Variants in PTGER1 observed in about 807,000 individuals in gnomAD.
The protein encoded by PTGER1 is prostaglandin E receptor 1.
A neutral mutation model predicts 18.5 loss-of-function variants in PTGER1; 15 were observed. The ratio of observed to expected loss-of-function variants is 0.81; its 90% CI spans 0.54 to 1.25. The LOEUF (loss-of-function observed/expected upper bound fraction) is 1.25, where lower values mean the gene tolerates loss of function less well. PTGER1 is among the 50% of genes most tolerant of loss of function. The pLI is 0.00. For missense variants in PTGER1, 567 were observed against 603.4 expected (o/e 0.94, Z 0.63); for synonymous variants, 339 against 308.4 (o/e 1.10, Z -1.04).
Position 14,473,449 on chromosome 19 carries a change from T to C in PTGER1, c.872A>G (p.His291Arg), listed in dbSNP as rs200420809. Residue 291 changes from histidine (H) to arginine (R), a missense_variant, in exon 2 of 3, where the codon CAC (histidine) becomes CGC (arginine). Coordinates refer to ENST00000292513, the MANE Select transcript of PTGER1 (RefSeq NM_000955.3). The surrounding 1 kb of genome is among the most constrained non-coding windows in gnomAD (Gnocchi z 7.1). ...SSGSARRARAHDVEMVGQLVG... is the reference protein window; with the variant it reads ...SSGSARRARARDVEMVGQLVG... ...AAGCTGGCCCACCATCTCCACGTCG[T>C]GGGCGCGAGCTCTGCGTGCCGAGCC... is the stretch of plus-strand genomic sequence containing the variant. 5.6e-5 allele frequency: 89 copies of C among 1,593,452 alleles called. No homozygotes were observed. Among genetic ancestry groups the C allele is most frequent in the Non-Finnish European group, 7.4e-5 (87 of 1,173,298 alleles).
chr19:14,473,741 G>A lies in PTGER1; in HGVS notation c.580C>T (p.Pro194Ser), dbSNP rs1247500694. Residue 194 changes from proline (P) to serine (S), a missense_variant, in exon 2 of 3, where the codon CCC becomes TCC. Physicochemically the swap from Pro to Ser is moderately conservative, Grantham distance 74 (BLOSUM62 -1). Coordinates refer to ENST00000292513, the MANE Select transcript of PTGER1 (RefSeq NM_000955.3). The surrounding 1 kb of genome is among the most constrained non-coding windows in gnomAD (Gnocchi z 7.1). ...PGTWCFIGLG[P>S]PGGWRQALLA... ...AGTGCCTGGCGCCAGCCGCCCGGGG[G>A]ACCCAGGCCGATGAAGCACCACGTG... The A allele has an allele frequency of 3.8e-5, 55 of 1,457,880 alleles. No homozygotes were observed. Among genetic ancestry groups the A allele is most frequent in the Non-Finnish European group, 4.1e-5 (46 of 1,110,472 alleles). The allele number at this position is 1,457,880 out of a possible 1,614,324, so 90.3% of individuals were successfully genotyped here. A position where few individuals can be genotyped will look rare whatever the true frequency, so the allele number is the denominator to read the frequency against.
Position 14,474,168 on chromosome 19 carries a change from C to A in PTGER1, c.153G>T (p.Leu51=). The A allele has an allele frequency of 6.7e-7, 1 of 1,484,508 alleles. No homozygotes were observed. The highest frequency in any genetic ancestry group is 1.5e-5 in the African/African-American group (1 of 67,892). The allele number at this position is 1,484,508 out of a possible 1,614,324, so 92.0% of individuals were successfully genotyped here. Residue 51 remains leucine, a synonymous_variant, in exon 2 of 3, where the codon CTG becomes CTT. Coordinates refer to ENST00000292513, the MANE Select transcript of PTGER1 (RefSeq NM_000955.3). The surrounding 1 kb of genome is among the most constrained non-coding windows in gnomAD (Gnocchi z 5.4). ...CCTGCGCCAGCAGCGCCAGCGCCAGCAGGTTGGACACGGCGCCCAGCGTCA... is the reference window on the plus strand; with the variant it reads ...CCTGCGCCAGCAGCGCCAGCGCCAGAAGGTTGGACACGGCGCCCAGCGTCA... The part of the protein sequence containing the change: ...FSMTLGAVSN[L]LALALLAQAA...
Position 14,474,476 on chromosome 19 carries a change from G to C in PTGER1, c.-17-139C>G, listed in dbSNP as rs116070352. 1.4e-3 allele frequency: 1,313 copies of C among 945,710 alleles called. 12 individuals are homozygous for C. The African/African-American group carries it at 0.021, about 15-fold the overall frequency. The allele number at this position is 945,710 out of a possible 1,614,324, so 58.6% of individuals were successfully genotyped here. On this transcript the variant is annotated intron_variant, in intron 1 of 2. Coordinates refer to ENST00000292513, the MANE Select transcript of PTGER1 (RefSeq NM_000955.3). The surrounding 1 kb of genome is among the most constrained non-coding windows in gnomAD (Gnocchi z 5.4). ...CCCCTCTGCCCATGGCAGTTGCCAT[G>C]GGCAACTCCAAATGACCTGGCCACT...
At position 14,472,809 on chromosome 19, in the gene PTGER1, G is replaced by A; in HGVS notation, c.960C>T (p.Ala320=). ...GGGAGGTAGAGCTCCAGCCGCCGAC[G>A]GCCAGCGCCACCAACACCTGCGGGG... The part of the protein sequence containing the change: ...WSPMLVLVAL[A]VGGWSSTSLQ... The change falls in exon 3 of 3, where the codon GCC becomes GCT. Residue 320 remains alanine, a synonymous_variant. Transcript: ENST00000292513. 3 of 1,555,536 alleles carry A rather than the reference G, an allele frequency of 1.9e-6. No individual in the cohort carries two copies. The highest frequency in any genetic ancestry group is 1.4e-5 in the African/African-American group (1 of 73,516).
rs549647569 is a variant in PTGER1 at position 14,474,970 on chromosome 19, G to A, written c.-18+292C>T. 2.0e-5 allele frequency among the ~76,000 whole-genome samples: 3 copies of A among 152,144 alleles called. No individual in the cohort carries two copies. Among genetic ancestry groups the A allele is most frequent in the African/African-American group, 4.8e-5 (2 of 41,516 alleles). ...GCGGTCTCTCGCCAGGCCCTACCCC[G>A]ATCACCTCTGCCTCACCCTGGGTGC... On this transcript the variant is annotated intron_variant, in intron 1 of 2. Transcript: ENST00000292513. This position sits in a 1 kb window ranked among gnomAD's most constrained non-coding sequence, Gnocchi z 5.4.
rs746897295 is a variant in PTGER1, at chr19:14,472,808, C to A, written c.961G>T (p.Val321Phe). 3 of 1,554,922 alleles carry A rather than the reference C, an allele frequency of 1.9e-6. No homozygotes were observed. Among genetic ancestry groups the A allele is most frequent in the Non-Finnish European group, 1.7e-6 (2 of 1,152,352 alleles). Reference protein sequence around the residue: ...SPMLVLVALAVGGWSSTSLQR... With the variant: ...SPMLVLVALAFGGWSSTSLQR... ...AGGGAGGTAGAGCTCCAGCCGCCGA[C>A]GGCCAGCGCCACCAACACCTGCGGG... Residue 321 changes from valine (V) to phenylalanine (F), a missense_variant, in exon 3 of 3, where the codon GTC (valine) becomes TTC (phenylalanine). By Grantham distance (50) the Val-to-Phe change is conservative. Transcript: ENST00000292513.
rs1436030768 is a variant in PTGER1 at position 14,473,210 on chromosome 19, T to G, written c.942+169A>C. Among the ~76,000 whole-genome samples, 3 of 150,250 alleles carry G rather than the reference T, an allele frequency of 2.0e-5. No homozygotes were observed. The highest frequency in any genetic ancestry group is 3.0e-5 in the Non-Finnish European group (2 of 67,628). ...GGGGGCTAGGAGGAAGGATGGGAGGTCAGATGGAGAAGGCGATGCTGGCTT... is the reference window on the plus strand; with the variant it reads ...GGGGGCTAGGAGGAAGGATGGGAGGGCAGATGGAGAAGGCGATGCTGGCTT... On this transcript the variant is annotated intron_variant, in intron 2 of 2. Coordinates refer to ENST00000292513, the MANE Select transcript of PTGER1 (RefSeq NM_000955.3). The surrounding 1 kb of genome is among the most constrained non-coding windows in gnomAD (Gnocchi z 7.1).
In PTGER1 at chr19:14,473,441, C is replaced by T. The variant is rs1365729132; in HGVS notation, c.880G>A (p.Glu294Lys). Reference sequence around the variant, plus strand: ...ATACCGACAAGCTGGCCCACCATCTCCACGTCGTGGGCGCGAGCTCTGCGT... The same window carrying T: ...ATACCGACAAGCTGGCCCACCATCTTCACGTCGTGGGCGCGAGCTCTGCGT... ...SARRARAHDVEMVGQLVGIMV... is the reference protein window; with the variant it reads ...SARRARAHDVKMVGQLVGIMV... Residue 294 changes from glutamate to lysine, a missense_variant, in exon 2 of 3, where the codon GAG becomes AAG. Physicochemically the swap from Glu to Lys is moderately conservative, Grantham distance 56. Transcript: ENST00000292513. The surrounding 1 kb of genome is among the most constrained non-coding windows in gnomAD (Gnocchi z 7.1). 1 of 1,596,968 alleles carries T rather than the reference C, an allele frequency of 6.3e-7. No homozygotes were observed. The highest frequency in any genetic ancestry group is 1.3e-5 in the African/African-American group (1 of 74,552).
In PTGER1 at chr19:14,472,635, C is replaced by A. The variant is rs201379859; in HGVS notation, c.1134G>T (p.Gly378=). 60 of 1,605,940 alleles carry A rather than the reference C, an allele frequency of 3.7e-5. No homozygotes were observed. The highest frequency in any genetic ancestry group is 4.2e-5 in the Non-Finnish European group (49 of 1,177,448). The change falls in exon 3 of 3, where the codon GGG becomes GGT. Residue 378 remains glycine, a synonymous_variant. Transcript: ENST00000292513. ...CCCAGGCGCTCGGTGTTAGGCCCAGCCCCGCGGGGCCGCCCTTGGCTCCGG... is the reference window on the plus strand; with the variant it reads ...CCCAGGCGCTCGGTGTTAGGCCCAGACCCGCGGGGCCGCCCTTGGCTCCGG... ...PRAGAKGGPA[G]LGLTPSAWEA...
At chr19:14,472,871 G>A (rs2071578719) in intron 2 of PTGER1, 45 bp from the exon 3 acceptor site, 3 of 1,504,618 alleles carry the variant, frequency 2.0e-6, no homozygotes, top group Admixed American at 2.1e-5. Flanking sequence ...CGCGGGCGCA[G>A]GGGGGCGCAG....
Position 14,473,983 on chromosome 19 carries a change from A to G in PTGER1, c.338T>C (p.Leu113Pro), listed in dbSNP as rs1427177289. 4.0e-6 allele frequency: 6 copies of G among 1,498,540 alleles called. No homozygotes were observed. Among genetic ancestry groups the G allele is most frequent in the Non-Finnish European group, 5.3e-6 (6 of 1,128,548 alleles). 92.8% of individuals were successfully genotyped at this position (1,498,540 alleles called of 1,614,324 possible). Residue 113 changes from leucine (L) to proline (P), a missense_variant, in exon 2 of 3, where the codon CTG becomes CCG. Leu to Pro is a moderately conservative substitution (Grantham distance 98). Coordinates refer to ENST00000292513, the MANE Select transcript of PTGER1 (RefSeq NM_000955.3). The surrounding 1 kb of genome is among the most constrained non-coding windows in gnomAD (Gnocchi z 7.1). ...GCCGAAGAAGACCATGCAGCCGCCCAGGAAGTGGCAGGCCCCGCCGGCCGG... is the reference window on the plus strand; with the variant it reads ...GCCGAAGAAGACCATGCAGCCGCCCGGGAAGTGGCAGGCCCCGCCGGCCGG... The part of the protein sequence containing the change: ...RAPAGGACHF[L>P]GGCMVFFGLC...
In PTGER1 at chr19:14,473,026, G is replaced by T. The variant is rs537870461; in HGVS notation, c.943-200C>A. On this transcript the variant is annotated intron_variant, in intron 2 of 2. Coordinates refer to ENST00000292513, the MANE Select transcript of PTGER1 (RefSeq NM_000955.3). The surrounding 1 kb of genome is among the most constrained non-coding windows in gnomAD (Gnocchi z 7.1). ...AAACACCTTCAGTGGGTGGGGGTCC[G>T]GCCGTAGAGGAGTCTCAGGTGTCCC... Among the ~76,000 whole-genome samples, 2 of 152,196 alleles carry T rather than the reference G, an allele frequency of 1.3e-5. No homozygotes were observed. The highest frequency in any genetic ancestry group is 4.2e-4 in the South Asian group (2 of 4,814).
chr19:14,473,262 C>T lies in PTGER1; in HGVS notation c.942+117G>A, dbSNP rs1181918529. On this transcript the variant is annotated intron_variant, in intron 2 of 2. Coordinates refer to ENST00000292513, the MANE Select transcript of PTGER1 (RefSeq NM_000955.3). This position sits in a 1 kb window ranked among gnomAD's most constrained non-coding sequence, Gnocchi z 7.1. ...CGGGGCAGGTGGGGCCTCTAGGGGCCGGGGCCTTGGTTGAGTCCAGGATGG... is the reference window on the plus strand; with the variant it reads ...CGGGGCAGGTGGGGCCTCTAGGGGCTGGGGCCTTGGTTGAGTCCAGGATGG... 4.8e-6 allele frequency: 7 copies of T among 1,471,034 alleles called. No homozygotes were observed. In the East Asian group the frequency reaches 1.5e-4, roughly 32 times the overall value. 91.1% of individuals were successfully genotyped at this position (1,471,034 alleles called of 1,614,324 possible).
chr19:14,474,392 G>C lies in PTGER1; in HGVS notation c.-17-55C>G, dbSNP rs1008608694. 9 of 1,406,624 alleles carry C rather than the reference G, an allele frequency of 6.4e-6. No homozygotes were observed. The Admixed American group carries it at 2.9e-4, about 45-fold the overall frequency. 87.1% of individuals were successfully genotyped at this position (1,406,624 alleles called of 1,614,324 possible). On this transcript the variant is annotated intron_variant, in intron 1 of 2. Transcript: ENST00000292513. This position sits in a 1 kb window ranked among gnomAD's most constrained non-coding sequence, Gnocchi z 5.4. ...GCTGGCTGGGCCCGGGCGGGGACCA[G>C]CCCACGGTGCCATCTCAGAACATCA...
In PTGER1 at chr19:14,473,594, G is replaced by T. The variant is rs987179165; in HGVS notation, c.727C>A (p.Pro243Thr). Residue 243 changes from proline to threonine, a missense_variant, in exon 2 of 3, where the codon CCG (proline) becomes ACG (threonine). Physicochemically the swap from Pro to Thr is conservative, Grantham distance 38. Transcript: ENST00000292513. The surrounding 1 kb of genome is among the most constrained non-coding windows in gnomAD (Gnocchi z 7.1). Reference sequence around the variant, plus strand: ...CGCCGGCTGTCGGGGCCTGAGGCCGGGGGAGGCCGTCGGGAGCGGCGTCGC... The same window carrying T: ...CGCCGGCTGTCGGGGCCTGAGGCCGTGGGAGGCCGTCGGGAGCGGCGTCGC... ...RWRRRSRRPPPASGPDSRRRW... is the reference protein window; with the variant it reads ...RWRRRSRRPPTASGPDSRRRW... 17 of 1,471,998 alleles carry T rather than the reference G, an allele frequency of 1.2e-5. No homozygotes were observed. The African/African-American group carries it at 2.5e-4, about 22-fold the overall frequency. The allele number at this position is 1,471,998 out of a possible 1,614,324, so 91.2% of individuals were successfully genotyped here.
rs2071592820 is a variant in PTGER1 at position 14,474,084 on chromosome 19, G to T, written c.237C>A (p.Ser79Arg). The change falls in exon 2 of 3, where the codon AGC (serine) becomes AGA (arginine). Residue 79 changes from serine (S) to arginine (R), a missense_variant. Transcript: ENST00000292513. This position sits in a 1 kb window ranked among gnomAD's most constrained non-coding sequence, Gnocchi z 5.4. ...GGCCCGCCAGGTCGGTGGCCAGCAG[G>T]CTGGCCACGAACAGCAGGAAGGTGG... ...SAATFLLFVA[S>R]LLATDLAGHV... 2 of 1,489,018 alleles carry T rather than the reference G, an allele frequency of 1.3e-6. No individual in the cohort carries two copies. The highest frequency in any genetic ancestry group is 1.8e-6 in the Non-Finnish European group (2 of 1,125,222). The allele number at this position is 1,489,018 out of a possible 1,614,324, so 92.2% of individuals were successfully genotyped here.
chr19:14,473,843 CGGCCAGCGCCAGGCGCGCGCG>C lies in PTGER1; in HGVS notation c.457_477del (p.Arg153_Ala159del). The C allele has an allele frequency of 8.0e-7, 1 of 1,245,244 alleles. No homozygotes were observed. Among genetic ancestry groups the C allele is most frequent in the Non-Finnish European group, 1.0e-6 (1 of 1,000,394 alleles). The allele number at this position is 1,245,244 out of a possible 1,614,324, so 77.1% of individuals were successfully genotyped here. A position where few individuals can be genotyped will look rare whatever the true frequency, so the allele number is the denominator to read the frequency against. On this transcript the variant is annotated inframe_deletion, in exon 2 of 3. Coordinates refer to ENST00000292513, the MANE Select transcript of PTGER1 (RefSeq NM_000955.3). This position sits in a 1 kb window ranked among gnomAD's most constrained non-coding sequence, Gnocchi z 7.1. ...ACGGCCAAGGCCACCGCGGCCACCG[CGGCCAGCGCCAGGCGCGCGCG>C]GGCGACCGAGACCCGCGCGGCGTGG...
chr19:14,474,580 G>C lies in PTGER1; in HGVS notation c.-17-243C>G, dbSNP rs768363736. Among the ~76,000 whole-genome samples the C allele has an allele frequency of 6.6e-5, 10 of 151,946 alleles. No individual in the cohort carries two copies. Among genetic ancestry groups the C allele is most frequent in the Non-Finnish European group, 1.0e-4 (7 of 67,966 alleles). On this transcript the variant is annotated intron_variant, in intron 1 of 2. Transcript: ENST00000292513. This position sits in a 1 kb window ranked among gnomAD's most constrained non-coding sequence, Gnocchi z 5.4. ...TCCAGGGCCTCCCTCTAACCCCACT[G>C]GCCCTTTCTCTGCCCTTCATGGTTT...
In PTGER1 at chr19:14,473,943, C is replaced by G; in HGVS notation, c.378G>C (p.Leu126=). 1 of 1,474,376 alleles carries G rather than the reference C, an allele frequency of 6.8e-7. No homozygotes were observed. The highest frequency in any genetic ancestry group is 8.9e-7 in the Non-Finnish European group (1 of 1,117,440). 91.3% of individuals were successfully genotyped at this position (1,474,376 alleles called of 1,614,324 possible). Residue 126 remains leucine, a synonymous_variant, in exon 2 of 3, where the codon CTG becomes CTC. Transcript: ENST00000292513. The surrounding 1 kb of genome is among the most constrained non-coding windows in gnomAD (Gnocchi z 7.1). ...CMVFFGLCPL[L]LGCGMAVERC... Reference sequence around the variant, plus strand: ...GCTCCACGGCCATGCCACAGCCCAGCAGCAGCGGGCACAGGCCGAAGAAGA... The same window carrying G: ...GCTCCACGGCCATGCCACAGCCCAGGAGCAGCGGGCACAGGCCGAAGAAGA...
Sources: gnomAD v4.1 joint callset for allele counts (sites outside exome capture counted in the v4.1 genomes callset) on GRCh38, gnomAD v4.1.1 for gene constraint, Gnocchi (gnomAD v3.1) non-coding constraint, MANE v1.5 for transcripts, NCBI Gene and HGNC (gene_info 2026-07-23, HGNC 2026-07-21) for gene names.